Variants in KCNMA1 observed in about 807,000 individuals in gnomAD.
KCNMA1 encodes Calcium-activated potassium channel subunit alpha-1.
In KCNMA1, 29 loss-of-function variants were observed where a neutral mutation model predicts 140.0. That is an observed-to-expected ratio of 0.21 (90% CI 0.15 to 0.28). The LOEUF (loss-of-function observed/expected upper bound fraction) is 0.28, where lower values mean the gene tolerates loss of function less well. KCNMA1 is among the 10% of genes least tolerant of loss of function. The pLI, the probability that KCNMA1 is intolerant of heterozygous loss-of-function variation, is 1.00. For synonymous variants in KCNMA1, 612 were observed against 611.9 expected (o/e 1.00, Z 0.00); for missense variants, 880 against 1,602.2 (o/e 0.55, Z 7.70).
At chr10:77,287,340 A>C (rs1306920003) in intron 2 of KCNMA1, among the ~76,000 whole-genome samples, 4 of 152,234 alleles carry the variant, frequency 2.6e-5, no homozygotes, top group Non-Finnish European at 5.9e-5. Flanking sequence ...CCTCATGTTA[A>C]GGGAGCCTGC....
At chr10:77,272,999 C>G (rs1361016661) in intron 2 of KCNMA1, among the ~76,000 whole-genome samples, 1 of 152,196 alleles carries the variant, frequency 6.6e-6, no homozygotes, top group Non-Finnish European at 1.5e-5. Context: ...GAAGAGAAAG[C>G]TTAAAAAGCT....
chr10:77,428,106 C>T (rs1186972862), intron 1 of KCNMA1, among the ~76,000 whole-genome samples: 1 of 152,000 alleles, frequency 6.6e-6, no homozygotes, highest in African/African-American at 2.4e-5. Flanking sequence ...ATTCAGTGGC[C>T]AATAAAGTCT....
At chr10:77,423,062 T>C (rs1319258347) in intron 1 of KCNMA1, among the ~76,000 whole-genome samples, 1 of 152,266 alleles carries the variant, frequency 6.6e-6, no homozygotes, top group Non-Finnish European at 1.5e-5. Context: ...AGCCACGATG[T>C]CAGCTGTCTG....
intron 1 of KCNMA1, among the ~76,000 whole-genome samples, chr10:77,494,791 A>C (rs1241688913): frequency 6.6e-6 from 1 of 152,226 alleles, no homozygotes; most frequent in Non-Finnish European, 1.5e-5. Context: ...CAGAAGTCTG[A>C]CATGGAGATG....
intron 3 of KCNMA1, among the ~76,000 whole-genome samples, chr10:77,238,587 A>T (rs2056350495): frequency 6.6e-6 from 1 of 152,212 alleles, no homozygotes; most frequent in Non-Finnish European, 1.5e-5. Flanking sequence ...TTTTGAATGC[A>T]TTGCAGGTTA....
intron 2 of KCNMA1, among the ~76,000 whole-genome samples, chr10:77,334,543 C>T (rs1456575959): frequency 1.3e-5 from 2 of 152,162 alleles, no homozygotes; most frequent in African/African-American, 2.4e-5. Context: ...TTATCATTCA[C>T]AATTACAGAA....
chr10:77,058,981 A>G (rs1379923367), intron 14 of KCNMA1, among the ~76,000 whole-genome samples: 1 of 152,050 alleles, frequency 6.6e-6, no homozygotes, highest in Non-Finnish European at 1.5e-5. Context: ...AGAGTGACAA[A>G]TAAGAGAGAA....
chr10:76,920,412 A>G (rs2055243629), intron 23 of KCNMA1, among the ~76,000 whole-genome samples: 1 of 152,092 alleles, frequency 6.6e-6, no homozygotes, highest in African/African-American at 2.4e-5. Context: ...AGGAAACTGA[A>G]GCACAGAGAA....
chr10:76,920,020 G>GTGTGTGTATATATATA (rs1177257916), intron 23 of KCNMA1, among the ~76,000 whole-genome samples: 4 of 34,426 alleles, frequency 1.2e-4, no homozygotes, highest in East Asian at 1.3e-3. Context: ...GTGTGTGTGT[G>GTGTGTGTATATATATA]TATATATATA....
chr10:77,555,826 G>A (rs1392876093), intron 1 of KCNMA1, among the ~76,000 whole-genome samples: 1 of 152,082 alleles, frequency 6.6e-6, no homozygotes, highest in Non-Finnish European at 1.5e-5. Flanking sequence ...GGCATCTGGA[G>A]AGGTTAGTGC....
chr10:76,915,389 C>A (rs373565886), intron 23 of KCNMA1, among the ~76,000 whole-genome samples: 1 of 152,134 alleles, frequency 6.6e-6, no homozygotes, highest in African/African-American at 2.4e-5. Context: ...CCATGTGACA[C>A]ATGAAATGCT....
chr10:77,300,133 T>A (rs1375680616), intron 2 of KCNMA1, among the ~76,000 whole-genome samples: 1 of 152,222 alleles, frequency 6.6e-6, no homozygotes, highest in African/African-American at 2.4e-5. Flanking sequence ...AGGTACCCTG[T>A]GCAGGGCATG....
chr10:77,182,808 C>G (rs2154123335), intron 5 of KCNMA1, among the ~76,000 whole-genome samples: 1 of 152,276 alleles, frequency 6.6e-6, no homozygotes, highest in South Asian at 2.1e-4. Context: ...TGACTATCCT[C>G]TGGTCAAGTT....
intron 2 of KCNMA1, among the ~76,000 whole-genome samples, chr10:77,343,028 G>T (rs1385390895): frequency 6.6e-6 from 1 of 152,126 alleles, no homozygotes; most frequent in South Asian, 2.1e-4. Context: ...TTTCCTCAGG[G>T]ATCTCTCCTG....
chr10:77,571,617 G>A (rs938202960), intron 1 of KCNMA1, among the ~76,000 whole-genome samples: 2 of 152,156 alleles, frequency 1.3e-5, no homozygotes, highest in African/African-American at 4.8e-5. Flanking sequence ...CTGTCCCCTA[G>A]GGATATATTT....
chr10:77,235,699 G>A (rs573195803), intron 3 of KCNMA1, among the ~76,000 whole-genome samples: 22 of 152,236 alleles, frequency 1.4e-4, no homozygotes, highest in Admixed American at 5.2e-4. Flanking sequence ...GTAGAATCTG[G>A]AAGCATCCAC....
At chr10:77,049,786 T>A (rs904789331) in intron 14 of KCNMA1, among the ~76,000 whole-genome samples, 2 of 152,236 alleles carry the variant, frequency 1.3e-5, no homozygotes, top group East Asian at 3.9e-4. Context: ...ATGGAAAAAA[T>A]TTCTGCACTG....
intron 14 of KCNMA1, among the ~76,000 whole-genome samples, chr10:77,050,274 TAA>T (rs1325905530): frequency 8.0e-6 from 1 of 125,424 alleles, no homozygotes; most frequent in African/African-American, 2.9e-5. Flanking sequence ...TGATCTTTTC[TAA>T]AAAAAAAAAA....
intron 1 of KCNMA1, among the ~76,000 whole-genome samples, chr10:77,508,625 TC>T (rs1353759268): frequency 4.1e-5 from 6 of 145,144 alleles, no homozygotes; most frequent in South Asian, 2.2e-4. Flanking sequence ...CCTCTCTCTC[TC>T]TTTTTTTCTT....
Sources: allele counts gnomAD v4.1 joint callset (sites outside exome capture counted in the v4.1 genomes callset), GRCh38; gene constraint gnomAD v4.1.1; transcripts MANE v1.5; gene names NCBI Gene and HGNC (gene_info 2026-07-23, HGNC 2026-07-21).